GZMM: variants seen among roughly 807,000 people sequenced by gnomAD.
GZMM encodes HU-Met-1.
GZMM carries 23 observed loss-of-function variants against 19.2 expected under a neutral mutation model. That is an observed-to-expected ratio of 1.20 (90% CI 0.86 to 1.69). The LOEUF (loss-of-function observed/expected upper bound fraction) is 1.69, where lower values mean the gene tolerates loss of function less well. GZMM is among the 40% of genes most tolerant of loss of function. GZMM has a pLI of 0.00. For synonymous variants in GZMM, 178 were observed against 160.2 expected (o/e 1.11, Z -0.84); for missense variants, 373 against 352.2 (o/e 1.06, Z -0.47).
intron 3 of GZMM, 104 bp from the exon 4 acceptor site, chr19:548,818 T>C (rs1356200859): frequency 4.4e-5 from 9 of 205,422 alleles, no homozygotes; most frequent in African/African-American, 6.3e-5. Flanking sequence ...CCCTCCCCCA[T>C]TGCCCACCCT....
rs533389162 is a variant in GZMM, at chr19:548,852, C to T, written c.349-70C>T. ...CTCCCCCCACTGCCACCCCTCCCCC[C>T]GCTGCCGCCCCCCGCCCCCGCACTC... On this transcript the variant is annotated intron_variant, in intron 3 of 4. Coordinates refer to ENST00000264553, the MANE Select transcript of GZMM (RefSeq NM_005317.4). 2,449 of 614,234 alleles carry T rather than the reference C, an allele frequency of 4.0e-3. 70 individuals are homozygous for T. In the East Asian group the frequency reaches 0.056, roughly 14 times the overall value. The allele number at this position is 614,234 out of a possible 1,614,324, so 38.0% of individuals were successfully genotyped here.
Position 547,334 on chromosome 19 carries a change from G to T in GZMM, c.110G>T (p.Arg37Leu), listed in dbSNP as rs1264459082. The stretch of plus-strand genomic sequence containing the variant: ...GGCCGGGAGGTGATCCCCCACTCGC[G>T]CCCGTACATGGCCTCACTGCAGAGA... ...IGGREVIPHS[R>L]PYMASLQRNG... The change falls in exon 2 of 5, where the codon CGC becomes CTC. Residue 37 changes from arginine to leucine, a missense_variant. By Grantham distance (102) the Arg-to-Leu change is moderately radical. Coordinates refer to ENST00000264553, the MANE Select transcript of GZMM (RefSeq NM_005317.4). 7 of 1,577,058 alleles carry T rather than the reference G, an allele frequency of 4.4e-6. No individual in the cohort carries two copies. The highest frequency in any genetic ancestry group is 2.7e-5 in the African/African-American group (2 of 72,808).
intron 4 of GZMM, 119 bp downstream of exon 4, chr19:549,304 G>A: frequency 9.5e-7 from 1 of 1,055,734 alleles, no homozygotes; most frequent in South Asian, 1.7e-5. Context: ...AGGGGCTGGG[G>A]GGCGGGGAAG....
chr19:544,097 T>G lies in GZMM; in HGVS notation c.26T>G (p.Leu9Arg). MEACVSSL[L>R]VLALGALSVG... ...ATGGAGGCCTGCGTGTCTTCACTGC[T>G]GGTGCTGGCCCTGGGGGCCCTGTCA... The change falls in exon 1 of 5, where the codon CTG becomes CGG. Residue 9 changes from leucine (L) to arginine (R), a missense_variant. By Grantham distance (102) the Leu-to-Arg change is moderately radical. Coordinates refer to ENST00000264553, the MANE Select transcript of GZMM (RefSeq NM_005317.4). 1.3e-6 allele frequency: 2 copies of G among 1,549,230 alleles called. No homozygotes were observed. Among genetic ancestry groups the G allele is most frequent in the East Asian group, 2.4e-5 (1 of 40,972 alleles).
At chr19:546,855 AAG>A (rs1258355761) in intron 1 of GZMM, among the ~76,000 whole-genome samples, 3 of 29,900 alleles carry the variant, frequency 1.0e-4, no homozygotes, top group African/African-American at 1.8e-4. Flanking sequence ...AAGAAAAAAA[AAG>A]TTTTTTTTAA....
intron 1 of GZMM, among the ~76,000 whole-genome samples, chr19:544,731 TCCCTCATCTCC>T (rs1980194858): frequency 4.0e-5 from 1 of 25,158 alleles, no homozygotes; most frequent in African/African-American, 1.4e-4. Flanking sequence ...CCTCCCTCCC[TCCCTCATCTCC>T]CCTTCCTTCC....
intron 2 of GZMM, among the ~76,000 whole-genome samples, chr19:548,115 A>C (rs1219595507): frequency 2.0e-5 from 3 of 152,144 alleles, no homozygotes; most frequent in Non-Finnish European, 4.4e-5. Context: ...CACAAGGTGG[A>C]AAGATTGACC....
At chr19:548,124 CCCT>C (rs1457601721) in intron 2 of GZMM, among the ~76,000 whole-genome samples, 1 of 152,200 alleles carries the variant, frequency 6.6e-6, no homozygotes, top group African/African-American at 2.4e-5. Context: ...GAAAGATTGA[CCCT>C]CCTCAGTCCC....
intron 3 of GZMM, 118 bp from the exon 4 acceptor site, chr19:548,804 T>G (rs1600443097): frequency 1.5e-5 from 4 of 266,434 alleles, no homozygotes; most frequent in Non-Finnish European, 2.0e-5. Context: ...CCCGCACTAC[T>G]GCCCCCTCCC....
At chr19:546,137 A>G (rs1600439396) in intron 1 of GZMM, among the ~76,000 whole-genome samples, 1 of 152,196 alleles carries the variant, frequency 6.6e-6, no homozygotes, top group East Asian at 1.9e-4. Flanking sequence ...TTTTGAGCTG[A>G]TTTACGTTAC....
chr19:548,477 G>T, intron 2 of GZMM, 65 bp from the exon 3 acceptor site: 3 of 1,543,948 alleles, frequency 1.9e-6, no homozygotes, highest in Non-Finnish European at 2.7e-6. Context: ...TGGGGGCCGG[G>T]ACTGCATGTG....
chr19:546,337 G>T (rs1283767545), intron 1 of GZMM, among the ~76,000 whole-genome samples: 1 of 151,820 alleles, frequency 6.6e-6, no homozygotes, highest in East Asian at 2.0e-4. Flanking sequence ...TTAGGTGTTT[G>T]AGGCCAGCCT....
chr19:549,776 C>T lies in GZMM; in HGVS notation c.759C>T (p.Thr253=), dbSNP rs549002952. Residue 253 remains threonine, a synonymous_variant, in exon 5 of 5, where the codon ACC becomes ACT. Transcript: ENST00000264553. ...APYVSWIRKV[T]GRSA is the part of the protein sequence containing the mutation. Reference sequence around the variant, plus strand: ...ACGTGTCCTGGATCAGGAAGGTCACCGGCCGATCGGCCTGATGCCCTGGGG... The same window carrying T: ...ACGTGTCCTGGATCAGGAAGGTCACTGGCCGATCGGCCTGATGCCCTGGGG... 2.7e-5 allele frequency: 39 copies of T among 1,443,888 alleles called. 1 individual carries two copies. The Admixed American group carries it at 2.9e-4, about 11-fold the overall frequency. The allele number at this position is 1,443,888 out of a possible 1,614,324, so 89.4% of individuals were successfully genotyped here. A position where few individuals can be genotyped will look rare whatever the true frequency, so the allele number is the denominator to read the frequency against.
At position 549,694 on chromosome 19, in the gene GZMM, G is replaced by A. The variant is rs1156999758; in HGVS notation, c.677G>A (p.Ser226Asn). 6.2e-7 allele frequency: 1 copy of A among 1,613,816 alleles called. No individual in the cohort carries two copies. Among genetic ancestry groups the A allele is most frequent in the African/African-American group, 1.3e-5 (1 of 75,054 alleles). Residue 226 changes from serine to asparagine, a missense_variant, in exon 5 of 5, where the codon AGC (serine) becomes AAC (asparagine). Ser to Asn is a conservative substitution (Grantham distance 46, BLOSUM62 1). Coordinates refer to ENST00000264553, the MANE Select transcript of GZMM (RefSeq NM_005317.4). ...GTGTTGGCCAGAGTCCTGTCCTTCA[G>A]CTCCAGGGTCTGCACTGACATCTTC... ...GRVLARVLSF[S>N]SRVCTDIFKP...
In GZMM at chr19:549,158, C is replaced by A; in HGVS notation, c.585C>A (p.Ala195=). The change falls in exon 4 of 5, where the codon GCC becomes GCA. Residue 195 remains alanine, a synonymous_variant. Coordinates refer to ENST00000264553, the MANE Select transcript of GZMM (RefSeq NM_005317.4). ...CCCCCAGCATGGTCTGCCTGGCGGCCGACTCCAAGGACCAGGCTCCCTGCA... is the reference window on the plus strand; with the variant it reads ...CCCCCAGCATGGTCTGCCTGGCGGCAGACTCCAAGGACCAGGCTCCCTGCA... ...SLSPSMVCLA[A]DSKDQAPCKG... is the part of the protein sequence containing the mutation. The A allele has an allele frequency of 6.3e-7, 1 of 1,577,648 alleles. No individual in the cohort carries two copies. Among genetic ancestry groups the A allele is most frequent in the Non-Finnish European group, 8.6e-7 (1 of 1,162,590 alleles).
intron 4 of GZMM, among the ~76,000 whole-genome samples, 190 bp downstream of exon 4, chr19:549,375 TGC>T (rs1980424870): frequency 6.6e-6 from 1 of 152,178 alleles, no homozygotes; most frequent in African/African-American, 2.4e-5. Flanking sequence ...TTTAGCAACC[TGC>T]GCAAGACCAC....
rs1282307058 is a variant in GZMM, at chr19:549,639, G to C, written c.622G>C (p.Gly208Arg). Residue 208 changes from glycine to arginine, a missense_variant, in exon 5 of 5, where the codon GGC (glycine) becomes CGC (arginine). By Grantham distance (125) the Gly-to-Arg change is moderately radical (BLOSUM62 -2). Coordinates refer to ENST00000264553, the MANE Select transcript of GZMM (RefSeq NM_005317.4). ...TGTGTCGTCCCTGCAGGGTGACTCG[G>C]GCGGGCCCCTGGTGTGTGGCAAAGG... Reference protein sequence around the residue: ...KDQAPCKGDSGGPLVCGKGRV... With the variant: ...KDQAPCKGDSRGPLVCGKGRV... 6.2e-7 allele frequency: 1 copy of C among 1,612,248 alleles called. No individual in the cohort carries two copies. Among genetic ancestry groups the C allele is most frequent in the Non-Finnish European group, 8.5e-7 (1 of 1,179,820 alleles).
At chr19:546,731 G>A (rs964597234) in intron 1 of GZMM, among the ~76,000 whole-genome samples, 4 of 152,014 alleles carry the variant, frequency 2.6e-5, no homozygotes, top group East Asian at 1.9e-4. Flanking sequence ...CCAGCTACTC[G>A]GGAGACTGAG....
In GZMM at chr19:548,582, G is replaced by A. The variant is rs754093427; in HGVS notation, c.253G>A (p.Asp85Asn). 3.1e-6 allele frequency: 5 copies of A among 1,613,224 alleles called. No homozygotes were observed. In the East Asian group the frequency reaches 1.1e-4, roughly 36 times the overall value. Residue 85 changes from aspartate to asparagine, a missense_variant, in exon 3 of 5, where the codon GAC becomes AAC. Asp to Asn is a conservative substitution (Grantham distance 23). Transcript: ENST00000264553. Reference sequence around the variant, plus strand: ...GCTGGTGCTGGGGCTCCACACCCTGGACAGCCCCGGTCTCACCTTCCACAT... The same window carrying A: ...GCTGGTGCTGGGGCTCCACACCCTGAACAGCCCCGGTCTCACCTTCCACAT... Reference protein sequence around the residue: ...LRLVLGLHTLDSPGLTFHIKA... With the variant: ...LRLVLGLHTLNSPGLTFHIKA...
Sources: allele counts gnomAD v4.1 joint callset (sites outside exome capture counted in the v4.1 genomes callset), GRCh38; gene constraint gnomAD v4.1.1; transcripts MANE v1.5; gene names NCBI Gene and HGNC (gene_info 2026-07-23, HGNC 2026-07-21).